CEP290: variants seen among roughly 807,000 people sequenced by gnomAD.
CEP290 encodes centrosomal protein of 290 kDa.
Under a neutral mutation model 344.9 loss-of-function variants are expected in CEP290, and 317 were observed. That is an observed-to-expected ratio of 0.92 (90% CI 0.84 to 1.01). The LOEUF (loss-of-function observed/expected upper bound fraction) is 1.01. CEP290 is among the 50% of genes least tolerant of loss of function. The pLI, the probability that CEP290 is intolerant of heterozygous loss-of-function variation, is 0.00. For missense variants in CEP290, 2,754 were observed against 2,761.4 expected, an observed-to-expected ratio of 1.00 and a Z score of 0.06; for synonymous variants, 932 against 895.8, an observed-to-expected ratio of 1.04 and a Z score of -0.72.
chr12:88,072,450 G>A (rs376399568), intron 41 of CEP290, among the ~76,000 whole-genome samples: 29 of 152,152 alleles, frequency 1.9e-4, no homozygotes, highest in South Asian at 1.5e-3. Flanking sequence ...TGGGCATGCC[G>A]AGCTATTAGG....
Position 88,120,135 on chromosome 12 carries a change from C to A in CEP290, c.1501G>T (p.Glu501Ter), listed in dbSNP as rs780896294. 3 of 1,549,016 alleles carry A rather than the reference C, an allele frequency of 1.9e-6. No individual in the cohort carries two copies. In the East Asian group the frequency reaches 7.2e-5, roughly 37 times the overall value. ...TTACCCACACGCTCTCTAAGTGCCTCATTTTCATCAAGGAAATCACTGATC... is the reference window on the plus strand; with the variant it reads ...TTACCCACACGCTCTCTAAGTGCCTAATTTTCATCAAGGAAATCACTGATC... ...LKISDFLDEN[E>*]ALRERVGLEP... The change falls in exon 15 of 54, where the codon GAG becomes TAG. Residue 501 changes from glutamate (E) to a stop codon, truncating the protein, a stop_gained. Coordinates refer to ENST00000552810, the MANE Select transcript of CEP290 (RefSeq NM_025114.4). LOFTEE classifies it high-confidence loss of function.
In CEP290 at chr12:88,118,598, T is replaced by C; in HGVS notation, c.1624-28A>G. On this transcript the variant is annotated intron_variant, in intron 16 of 53. Transcript: ENST00000552810. Reference sequence around the variant, plus strand: ...GCAAAGTATAAATTATTAGTATTTCTCTATAGTTCAGCCAAGAAAATAATC... The same window carrying C: ...GCAAAGTATAAATTATTAGTATTTCCCTATAGTTCAGCCAAGAAAATAATC... 1.9e-6 allele frequency: 3 copies of C among 1,610,502 alleles called. No individual in the cohort carries two copies. The South Asian group carries it at 3.3e-5, about 18-fold the overall frequency.
chr12:88,124,462 G>A lies in CEP290; in HGVS notation c.1189+784C>T, dbSNP rs377189650. Among the ~76,000 whole-genome samples the A allele has an allele frequency of 4.6e-5, 7 of 151,948 alleles. No individual in the cohort carries two copies. In the East Asian group the frequency reaches 1.2e-3, roughly 25 times the overall value. On this transcript the variant is annotated intron_variant, in intron 13 of 53. Coordinates refer to ENST00000552810, the MANE Select transcript of CEP290 (RefSeq NM_025114.4). ...CATTTTTGAAATTACAACCGTACCT[G>A]CAAACACATCACTACACTTACACAC...
chr12:88,126,849 A>G (rs999757889), intron 11 of CEP290, among the ~76,000 whole-genome samples: 2 of 152,090 alleles, frequency 1.3e-5, no homozygotes, highest in African/African-American at 2.4e-5. Context: ...CTTTAGCTAG[A>G]AGGACCAAAT....
rs1285570863 is a variant in CEP290 at position 88,116,322 on chromosome 12, G to A, written c.1824+711C>T. On this transcript the variant is annotated intron_variant, in intron 18 of 53. Coordinates refer to ENST00000552810, the MANE Select transcript of CEP290 (RefSeq NM_025114.4). ...AATCTCTCTTATTGTAATAGTTTCT[G>A]GAGTTGAATTCTCTTTAACTTGCAT... Among the ~76,000 whole-genome samples, 3 of 152,308 alleles carry A rather than the reference G, an allele frequency of 2.0e-5. No homozygotes were observed. In the East Asian group the frequency reaches 5.8e-4, roughly 29 times the overall value.
At chr12:88,066,707 G>C (rs1373320850) in intron 44 of CEP290, among the ~76,000 whole-genome samples, 2 of 151,856 alleles carry the variant, frequency 1.3e-5, no homozygotes, top group African/African-American at 4.8e-5. Flanking sequence ...GAGTGCAATA[G>C]GGCAATGTAA....
chr12:88,136,356 T>C, intron 6 of CEP290: 1 of 339,786 alleles, frequency 2.9e-6, no homozygotes, highest in Non-Finnish European at 5.4e-6. Flanking sequence ...AGTTACTTGA[T>C]ACCAATCTTC....
chr12:88,114,550 A>T lies in CEP290; in HGVS notation c.1922T>A (p.Val641Asp), dbSNP rs1270185161. ...AKFQNKLKEL[V>D]EENKQLEEGM... ...TTCTTCAAGTTGCTTATTTTCTTCA[A>T]CTAATTCTTTTACTGTAATTACACA... The change falls in exon 20 of 54, where the codon GTT (valine) becomes GAT (aspartate). Residue 641 changes from valine (V) to aspartate (D), a missense_variant. Physicochemically the swap from Val to Asp is radical, Grantham distance 152. Transcript: ENST00000552810. The T allele has an allele frequency of 1.0e-5, 16 of 1,535,736 alleles. No individual in the cohort carries two copies. The highest frequency in any genetic ancestry group is 1.4e-5 in the Non-Finnish European group (16 of 1,141,274).
At position 88,071,282 on chromosome 12, in the gene CEP290, A is replaced by G; in HGVS notation, c.6011+12T>C. ...ATTACAATGGGTGGCACATTTCCAC[A>G]TAATAGCTTACCTCATATACAATAT... On this transcript the variant is annotated intron_variant, in intron 43 of 53. Transcript: ENST00000552810. The G allele has an allele frequency of 1.3e-6, 2 of 1,592,700 alleles. No individual in the cohort carries two copies. Among genetic ancestry groups the G allele is most frequent in the South Asian group, 1.1e-5 (1 of 88,222 alleles).
At chr12:88,059,469 G>A (rs1474641361) in intron 48 of CEP290, among the ~76,000 whole-genome samples, 1 of 152,068 alleles carries the variant, frequency 6.6e-6, no homozygotes, top group Non-Finnish European at 1.5e-5. Context: ...GTGTAGTGGT[G>A]CGATCTCGGC....
Position 88,049,032 on chromosome 12 carries a change from TATA to T in CEP290, c.*149_*151del, listed in dbSNP as rs2033206755. The T allele has an allele frequency of 4.5e-6, 2 of 440,154 alleles. No individual in the cohort carries two copies. The highest frequency in any genetic ancestry group is 8.0e-6 in the Non-Finnish European group (2 of 248,862). The allele number at this position is 440,154 out of a possible 1,614,324, so 27.3% of individuals were successfully genotyped here. A position where few individuals can be genotyped will look rare whatever the true frequency, so the allele number is the denominator to read the frequency against. On this transcript the variant is annotated 3_prime_UTR_variant, in exon 54 of 54. Coordinates refer to ENST00000552810, the MANE Select transcript of CEP290 (RefSeq NM_025114.4). Reference sequence around the variant, plus strand: ...CTTTTATAATAAGTTGAAAATTTCATATAATTTTATTTATTAAGAATTCCAATC... The same window carrying T: ...CTTTTATAATAAGTTGAAAATTTCATATTTTATTTATTAAGAATTCCAATC...
intron 46 of CEP290, among the ~76,000 whole-genome samples, chr12:88,061,395 T>C (rs1192570509): frequency 6.6e-6 from 1 of 152,150 alleles, no homozygotes; most frequent in African/African-American, 2.4e-5. Flanking sequence ...TAAATTTTAA[T>C]TGCAACATAA....
chr12:88,054,934 G>A (rs1209481001), intron 50 of CEP290, among the ~76,000 whole-genome samples: 4 of 152,110 alleles, frequency 2.6e-5, no homozygotes, highest in Admixed American at 2.6e-4. Context: ...ACGCTTAAAC[G>A]AGTTTGGATT....
chr12:88,139,134 A>G lies in CEP290; in HGVS notation c.297+11T>C, dbSNP rs567497615. 2.6e-6 allele frequency: 3 copies of G among 1,163,816 alleles called. No homozygotes were observed. Among genetic ancestry groups the G allele is most frequent in the Non-Finnish European group, 3.6e-6 (3 of 823,768 alleles). 72.1% of individuals were successfully genotyped at this position (1,163,816 alleles called of 1,614,324 possible). On this transcript the variant is annotated intron_variant, in intron 5 of 53. Transcript: ENST00000552810. ...TGACAATTACATCCTAGGGAATACA[A>G]AAAGACATACCTCCAGTTCATTTTC...
intron 13 of CEP290, among the ~76,000 whole-genome samples, chr12:88,124,546 T>C (rs895771378): frequency 1.3e-5 from 2 of 151,902 alleles, no homozygotes; most frequent in Non-Finnish European, 2.9e-5. Context: ...TATATATATA[T>C]ACACACACAC....
intron 31 of CEP290, 104 bp from the exon 32 acceptor site, chr12:88,088,048 A>G (rs190677862): frequency 4.6e-5 from 20 of 434,418 alleles, no homozygotes; most frequent in Non-Finnish European, 7.5e-5. Flanking sequence ...CCATTCTAAA[A>G]TAAAATAAGA....
rs2034072917 is a variant in CEP290 at position 88,057,126 on chromosome 12, C to T, written c.6819-1409G>A. Among the ~76,000 whole-genome samples, 3 of 152,254 alleles carry T rather than the reference C, an allele frequency of 2.0e-5. No homozygotes were observed. The South Asian group carries it at 6.2e-4, about 32-fold the overall frequency. ...AAATATCATCATCACCTCTACTAAC[C>T]ATTTATAAACCTTATAAACTCTTTT... On this transcript the variant is annotated intron_variant, in intron 49 of 53. Coordinates refer to ENST00000552810, the MANE Select transcript of CEP290 (RefSeq NM_025114.4).
intron 22 of CEP290, 38 bp downstream of exon 22, chr12:88,111,164 T>A: frequency 8.4e-7 from 1 of 1,186,544 alleles, no homozygotes; most frequent in Non-Finnish European, 1.1e-6. Context: ...GTTATTCACA[T>A]GTAAAATTTT....
intron 37 of CEP290, among the ~76,000 whole-genome samples, chr12:88,082,467 C>T (rs1409666790): frequency 1.3e-5 from 2 of 152,000 alleles, no homozygotes; most frequent in African/African-American, 4.8e-5. Flanking sequence ...CCGAAGTGGG[C>T]GGATCACTTG....
Sources: allele counts gnomAD v4.1 joint callset (sites outside exome capture counted in the v4.1 genomes callset), GRCh38; gene constraint gnomAD v4.1.1; transcripts MANE v1.5; gene names NCBI Gene and HGNC (gene_info 2026-07-23, HGNC 2026-07-21).